The following KIZ variants were observed in gnomAD, a reference collection of about 807,000 sequenced individuals.
KIZ encodes centrosomal protein kizuna.
A neutral mutation model predicts 79.6 loss-of-function variants in KIZ; 68 were observed. The ratio of observed to expected loss-of-function variants is 0.85; its 90% CI spans 0.70 to 1.05. The LOEUF (loss-of-function observed/expected upper bound fraction) is 1.05. Among genes scored for constraint, KIZ ranks in the 50% least tolerant of loss-of-function variants. The pLI is 0.00. For missense variants in KIZ, 797 were observed against 800.4 expected, an observed-to-expected ratio of 1.00 and a Z score of 0.05; for synonymous variants, 280 against 281.8, an observed-to-expected ratio of 0.99 and a Z score of 0.06.
At chr20:21,182,686 A>G (rs2034705989) in intron 6 of KIZ, among the ~76,000 whole-genome samples, 2 of 151,380 alleles carry the variant, frequency 1.3e-5, no homozygotes, top group East Asian at 3.9e-4. Flanking sequence ...AATCTCAGCT[A>G]CTCGGGAGGC....
intron 3 of KIZ, among the ~76,000 whole-genome samples, chr20:21,142,124 CT>C (rs2032584599): frequency 6.6e-6 from 1 of 151,986 alleles, no homozygotes; most frequent in Non-Finnish European, 1.5e-5. Context: ...CACATACACA[CT>C]CTTACATGCA....
At chr20:21,228,425 T>C (rs2036723740) in intron 9 of KIZ, among the ~76,000 whole-genome samples, 2 of 152,154 alleles carry the variant, frequency 1.3e-5, no homozygotes, top group African/African-American at 4.8e-5. Context: ...CATGAGCAGG[T>C]GCAGGCTGCC....
At chr20:21,202,609 A>G (rs2035643271) in intron 6 of KIZ, among the ~76,000 whole-genome samples, 1 of 152,184 alleles carries the variant, frequency 6.6e-6, no homozygotes, top group Admixed American at 6.5e-5. Context: ...TTATTGAGGA[A>G]GGTTCTGAAC....
chr20:21,204,037 T>C (rs1353461090), intron 6 of KIZ, among the ~76,000 whole-genome samples: 1 of 151,146 alleles, frequency 6.6e-6, no homozygotes, highest in Admixed American at 6.6e-5. Flanking sequence ...AGTGGGATCA[T>C]ACAGTATTTG....
chr20:21,244,232 C>A lies in KIZ; in HGVS notation c.1881-13C>A. 1 of 1,575,240 alleles carries A rather than the reference C, an allele frequency of 6.3e-7. No homozygotes were observed. The highest frequency in any genetic ancestry group is 1.3e-5 in the African/African-American group (1 of 74,150). ...TTCTTTTTCAGAACTTAGACTGTTT[C>A]TTTATTTTGCAGGCATGAAAACAAA... On this transcript the variant is annotated splice_polypyrimidine_tract_variant and intron_variant, in intron 11 of 12. Transcript: ENST00000619189.
At chr20:21,231,005 T>C (rs936970809) in intron 10 of KIZ, among the ~76,000 whole-genome samples, 9 of 151,374 alleles carry the variant, frequency 5.9e-5, no homozygotes, top group Admixed American at 5.2e-4. Context: ...CTGGTAAGTG[T>C]TATTTTCAGT....
chr20:21,216,198 A>AT (rs1039859878), intron 9 of KIZ, among the ~76,000 whole-genome samples: 1 of 152,114 alleles, frequency 6.6e-6, no homozygotes. Context: ...CGATATCATT[A>AT]TTTTTTTCTT....
Position 21,162,994 on chromosome 20 carries a change from CAAA to C in KIZ, c.1188_1190del (p.Asn397del). 6.2e-7 allele frequency: 1 copy of C among 1,613,878 alleles called. No homozygotes were observed. ...ATTTTAGAGAGCCCAGAACCACAGC[CAAA>C]TCCAGGTGGCAAGATGGAGGGAGAA... On this transcript the variant is annotated inframe_deletion, in exon 6 of 13. Coordinates refer to ENST00000619189, the MANE Select transcript of KIZ (RefSeq NM_018474.6).
At chr20:21,166,577 A>G in intron 6 of KIZ, 3 of 1,385,480 alleles carry the variant, frequency 2.2e-6, no homozygotes, top group East Asian at 4.6e-5. Flanking sequence ...AGCATCTGCC[A>G]GGACATTCAT....
intron 8 of KIZ, among the ~76,000 whole-genome samples, chr20:21,215,161 A>T (rs1000962181): frequency 1.3e-5 from 2 of 152,262 alleles, no homozygotes; most frequent in Non-Finnish European, 2.9e-5. Flanking sequence ...CAAATTTAAT[A>T]ACCCATTTTG....
intron 3 of KIZ, among the ~76,000 whole-genome samples, chr20:21,136,903 C>T (rs1422865596): frequency 6.6e-6 from 1 of 152,098 alleles, no homozygotes; most frequent in Non-Finnish European, 1.5e-5. Context: ...CTGTGAATTA[C>T]CATGTGGCTG....
intron 6 of KIZ, among the ~76,000 whole-genome samples, chr20:21,170,973 A>G (rs775359760): frequency 1.3e-5 from 2 of 152,244 alleles, no homozygotes; most frequent in Non-Finnish European, 2.9e-5. Flanking sequence ...TCTATGGCTA[A>G]ATAGGTAAGT....
intron 6 of KIZ, among the ~76,000 whole-genome samples, chr20:21,165,404 T>C (rs991643115): frequency 3.9e-5 from 6 of 152,176 alleles, no homozygotes; most frequent in Non-Finnish European, 7.4e-5. Flanking sequence ...GAGGAGGGCC[T>C]TTTGGAGTTA....
chr20:21,162,201 G>A lies in KIZ; in HGVS notation c.736G>A (p.Glu246Lys). The A allele has an allele frequency of 6.2e-7, 1 of 1,613,438 alleles. No homozygotes were observed. ...AGTCACAGCCAGTGTATTGTCTGAG[G>A]AGGAACAAACTCATTGCTTGGAGAT... The part of the protein sequence containing the change: ...MPVTASVLSE[E>K]EQTHCLEIGS... The change falls in exon 5 of 13, where the codon GAG becomes AAG. Residue 246 changes from glutamate to lysine, a missense_variant. Coordinates refer to ENST00000619189, the MANE Select transcript of KIZ (RefSeq NM_018474.6).
intron 8 of KIZ, among the ~76,000 whole-genome samples, chr20:21,215,069 A>G (rs2036230863): frequency 6.6e-6 from 1 of 152,272 alleles, no homozygotes; most frequent in South Asian, 2.1e-4. Context: ...ATTTTCTCAT[A>G]ATTGTAAACA....
intron 6 of KIZ, among the ~76,000 whole-genome samples, chr20:21,187,184 A>G (rs1242901041): frequency 1.3e-5 from 2 of 152,208 alleles, no homozygotes; most frequent in Non-Finnish European, 1.5e-5. Context: ...GATAAAGGAT[A>G]CTCAACCTAT....
chr20:21,211,595 A>C (rs1401507236), intron 7 of KIZ, among the ~76,000 whole-genome samples: 2 of 152,186 alleles, frequency 1.3e-5, no homozygotes, highest in Non-Finnish European at 2.9e-5. Flanking sequence ...ATTAGCTCCA[A>C]TTTGCAGAAC....
At chr20:21,205,913 A>G (rs1180345205) in intron 7 of KIZ, among the ~76,000 whole-genome samples, 1 of 151,888 alleles carries the variant, frequency 6.6e-6, no homozygotes, top group Non-Finnish European at 1.5e-5. Flanking sequence ...GTGAGCCGAG[A>G]TCACGCCACT....
chr20:21,203,813 A>T (rs1271615630), intron 6 of KIZ, among the ~76,000 whole-genome samples: 2 of 152,230 alleles, frequency 1.3e-5, no homozygotes, highest in African/African-American at 2.4e-5. Context: ...AAAAAAACAT[A>T]AAATTAGCCA....
Sources: gnomAD v4.1 joint callset for allele counts (sites outside exome capture counted in the v4.1 genomes callset) on GRCh38, gnomAD v4.1.1 for gene constraint, MANE v1.5 for transcripts, NCBI Gene and HGNC (gene_info 2026-07-23, HGNC 2026-07-21) for gene names.